The following NUP35 variants were observed in gnomAD, a reference collection of about 807,000 sequenced individuals.
NUP35 encodes the protein nucleoporin 35.
In NUP35, 25 loss-of-function variants were observed where a neutral mutation model predicts 41.5. That is an observed-to-expected ratio of 0.60 (90% CI 0.44 to 0.84). NUP35 has a LOEUF of 0.84. NUP35 is among the 40% of genes least tolerant of loss of function. The probability of loss-of-function intolerance (pLI) is 0.00; values close to 1 mark genes in which losing one functional copy is unlikely to be tolerated. For synonymous variants in NUP35, 149 were observed against 130.7 expected (o/e 1.14, Z -0.96); for missense variants, 396 against 396.6 (o/e 1.00, Z 0.01).
chr2:183,138,823 G>A (rs568321309), intron 4 of NUP35, among the ~76,000 whole-genome samples: 112 of 152,160 alleles, frequency 7.4e-4, no homozygotes, highest in Non-Finnish European at 1.3e-3. Flanking sequence ...CAGGTTAAGC[G>A]TGATATTAAG....
chr2:183,154,131 C>G (rs1438145925), intron 5 of NUP35, among the ~76,000 whole-genome samples: 1 of 152,180 alleles, frequency 6.6e-6, no homozygotes, highest in Non-Finnish European at 1.5e-5. Context: ...CTGCACACAG[C>G]ACAGGGACCC....
At chr2:183,155,980 T>C (rs1239134680) in intron 5 of NUP35, among the ~76,000 whole-genome samples, 1 of 152,208 alleles carries the variant, frequency 6.6e-6, no homozygotes, top group Non-Finnish European at 1.5e-5. Flanking sequence ...ATTTTGATCA[T>C]TTATGGGGAA....
chr2:183,141,498 C>T (rs1427701108), intron 4 of NUP35, among the ~76,000 whole-genome samples: 1 of 152,070 alleles, frequency 6.6e-6, no homozygotes, highest in African/African-American at 2.4e-5. Flanking sequence ...TGTATTTTCC[C>T]CTCATATTAT....
chr2:183,119,465 G>A (rs952449551), upstream of NUP35, among the ~76,000 whole-genome samples: 1 of 152,126 alleles, frequency 6.6e-6, no homozygotes, highest in African/African-American at 2.4e-5. Context: ...GCTGGGGCAG[G>A]TTTACATGAC....
At chr2:183,133,466 C>A in intron 3 of NUP35, 100 bp from the exon 4 acceptor site, 1 of 902,148 alleles carries the variant, frequency 1.1e-6, no homozygotes, top group Non-Finnish European at 1.7e-6. Context: ...GCATCTCTAG[C>A]ACATGATAAA....
chr2:183,149,700 A>T (rs1464396436), intron 4 of NUP35, among the ~76,000 whole-genome samples: 2 of 152,194 alleles, frequency 1.3e-5, no homozygotes, highest in African/African-American at 4.8e-5. Context: ...GGAAATAAAC[A>T]TGTTAACTAG....
chr2:183,130,597 G>C, intron 3 of NUP35, 52 bp downstream of exon 3: 1 of 1,563,832 alleles, frequency 6.4e-7, no homozygotes, highest in African/African-American at 1.4e-5. Flanking sequence ...GGTTTTATGT[G>C]TCTGTTCAGT....
chr2:183,127,973 T>A (rs1684556643), intron 1 of NUP35, among the ~76,000 whole-genome samples: 1 of 151,364 alleles, frequency 6.6e-6, no homozygotes, highest in Non-Finnish European at 1.5e-5. Context: ...ACTGAGAGGC[T>A]GAGGAGGGAG....
chr2:183,125,916 T>G (rs1684453860), intron 1 of NUP35, among the ~76,000 whole-genome samples: 1 of 152,238 alleles, frequency 6.6e-6, no homozygotes, highest in African/African-American at 2.4e-5. Flanking sequence ...ATCTTTTCCT[T>G]AAGTTTGCTT....
At chr2:183,139,815 A>G (rs1025019613) in intron 4 of NUP35, among the ~76,000 whole-genome samples, 3 of 152,236 alleles carry the variant, frequency 2.0e-5, no homozygotes, top group Non-Finnish European at 4.4e-5. Context: ...CACCTTGCCA[A>G]CAACATAATT....
intron 1 of NUP35, among the ~76,000 whole-genome samples, chr2:183,124,801 CCTT>C (rs1463384218): frequency 2.6e-5 from 4 of 152,202 alleles, no homozygotes; most frequent in Non-Finnish European, 4.4e-5. Flanking sequence ...ACCTTAACCT[CCTT>C]CTGATACCCG....
At position 183,135,400 on chromosome 2, in the gene NUP35, G is replaced by A. The variant is rs549945948; in HGVS notation, c.397+1777G>A. Among the ~76,000 whole-genome samples the A allele has an allele frequency of 8.4e-4, 128 of 152,286 alleles. 3 individuals are homozygous for A. The highest frequency in any genetic ancestry group is 4.6e-3 in the South Asian group (22 of 4,820). On this transcript the variant is annotated intron_variant, in intron 4 of 8. Transcript: ENST00000295119. ...GGATGGTGACTGAAATGGAGTAAGTGAGGGGGAGAATAGTGGAAAATGAGG... is the reference window on the plus strand; with the variant it reads ...GGATGGTGACTGAAATGGAGTAAGTAAGGGGGAGAATAGTGGAAAATGAGG...
chr2:183,133,740 C>A, intron 4 of NUP35, 117 bp downstream of exon 4: 1 of 543,010 alleles, frequency 1.8e-6, no homozygotes, highest in Non-Finnish European at 2.9e-6. Context: ...AAATACTTCT[C>A]TATTCTTCGA....
intron 4 of NUP35, among the ~76,000 whole-genome samples, chr2:183,146,327 A>G (rs1295472960): frequency 6.6e-6 from 1 of 152,214 alleles, no homozygotes; most frequent in African/African-American, 2.4e-5. Flanking sequence ...TAGAAACTAG[A>G]ACTAATCTAA....
chr2:183,152,254 A>C (rs1685498115), intron 5 of NUP35, among the ~76,000 whole-genome samples: 1 of 151,972 alleles, frequency 6.6e-6, no homozygotes, highest in Non-Finnish European at 1.5e-5. Flanking sequence ...TTTTAGGTCC[A>C]AAAAAAACTT....
intron 2 of NUP35, 89 bp from the exon 3 acceptor site, chr2:183,130,329 T>C (rs1684651712): frequency 1.5e-6 from 2 of 1,341,464 alleles, no homozygotes; most frequent in Admixed American, 5.1e-5. Context: ...ACAGACAAGA[T>C]TTTAAGTCAG....
chr2:183,158,481 G>C, intron 7 of NUP35, 70 bp downstream of exon 7: 1 of 1,376,172 alleles, frequency 7.3e-7, no homozygotes, highest in Non-Finnish European at 9.7e-7. Flanking sequence ...GATTGAAATT[G>C]GTCGTTGTGT....
intron 4 of NUP35, among the ~76,000 whole-genome samples, chr2:183,144,526 G>T (rs1417024055): frequency 1.3e-5 from 2 of 152,050 alleles, no homozygotes; most frequent in African/African-American, 4.8e-5. Flanking sequence ...TTTCATTTAG[G>T]TTAGTGGTCT....
At chr2:183,126,745 A>G (rs1684505277) in intron 1 of NUP35, among the ~76,000 whole-genome samples, 1 of 152,190 alleles carries the variant, frequency 6.6e-6, no homozygotes, top group South Asian at 2.1e-4. Context: ...GGATATTAAG[A>G]AACAGATTGT....
Sources: gnomAD v4.1 joint callset for allele counts (sites outside exome capture counted in the v4.1 genomes callset) on GRCh38, gnomAD v4.1.1 for gene constraint, MANE v1.5 for transcripts, NCBI Gene and HGNC (gene_info 2026-07-23, HGNC 2026-07-21) for gene names.